Variants in CSMD3 observed in about 807,000 individuals in gnomAD.
CSMD3 encodes CUB and sushi domain-containing protein 3.
Under a neutral mutation model 435.2 loss-of-function variants are expected in CSMD3, and 177 were observed. The observed-to-expected ratio is 0.41, with a 90% confidence interval of 0.36 to 0.46. The LOEUF (loss-of-function observed/expected upper bound fraction) is 0.46, where lower values mean the gene tolerates loss of function less well. CSMD3 is among the 20% of genes least tolerant of loss of function. CSMD3 has a pLI of 0.34. For synonymous variants in CSMD3, 1,656 were observed against 1,520.5 expected (o/e 1.09, Z -2.07); for missense variants, 4,265 against 4,504.6 (o/e 0.95, Z 1.52).
At chr8:112,542,345 G>GAA (rs200297769) in intron 27 of CSMD3, among the ~76,000 whole-genome samples, 4 of 83,440 alleles carry the variant, frequency 4.8e-5, no homozygotes, top group East Asian at 3.1e-4. Context: ...CCTCCAAAAT[G>GAA]AAAAAAAAAA....
intron 1 of CSMD3, among the ~76,000 whole-genome samples, chr8:113,363,818 ATC>A (rs1310324456): frequency 1.3e-5 from 2 of 152,162 alleles, no homozygotes; most frequent in Non-Finnish European, 2.9e-5. Flanking sequence ...AGGACCTGGT[ATC>A]TCTGACTATA....
intron 5 of CSMD3, among the ~76,000 whole-genome samples, chr8:113,040,900 G>A (rs1025196443): frequency 1.3e-5 from 2 of 152,018 alleles, no homozygotes; most frequent in Admixed American, 6.6e-5. Context: ...TACTCCAGAG[G>A]CACTATAAAG....
intron 4 of CSMD3, among the ~76,000 whole-genome samples, chr8:113,115,994 G>A (rs2090814360): frequency 6.6e-6 from 1 of 152,124 alleles, no homozygotes; most frequent in Non-Finnish European, 1.5e-5. Flanking sequence ...GAATCTGAAA[G>A]TAGTCCTTCA....
At chr8:112,972,726 G>C (rs1488095693) in intron 7 of CSMD3, among the ~76,000 whole-genome samples, 1 of 151,818 alleles carries the variant, frequency 6.6e-6, no homozygotes, top group Non-Finnish European at 1.5e-5. Context: ...TTATTCATTA[G>C]TTTGACAACT....
intron 24 of CSMD3, among the ~76,000 whole-genome samples, chr8:112,570,774 G>A (rs969741881): frequency 1.3e-5 from 2 of 152,010 alleles, no homozygotes; most frequent in African/African-American, 2.4e-5. Flanking sequence ...CCCAGCTGTT[G>A]GTTCACAAAA....
chr8:112,413,954 T>C (rs776223204), intron 32 of CSMD3, among the ~76,000 whole-genome samples: 2 of 151,968 alleles, frequency 1.3e-5, no homozygotes, highest in Admixed American at 1.3e-4. Context: ...ACCTCCACCA[T>C]CCCCCAGGTG....
intron 6 of CSMD3, among the ~76,000 whole-genome samples, chr8:113,007,870 G>A (rs535499663): frequency 6.6e-6 from 1 of 151,780 alleles, no homozygotes; most frequent in African/African-American, 2.4e-5. Context: ...TATCCTTATG[G>A]GGAAAACGTA....
At chr8:113,308,715 CCTTT>C (rs1173042623) in intron 2 of CSMD3, among the ~76,000 whole-genome samples, 5 of 151,986 alleles carry the variant, frequency 3.3e-5, no homozygotes, top group Admixed American at 2.0e-4. Context: ...GCTTATACTT[CCTTT>C]GTCTTTTATT....
At chr8:113,159,556 C>T (rs2091998712) in intron 4 of CSMD3, among the ~76,000 whole-genome samples, 1 of 151,922 alleles carries the variant, frequency 6.6e-6, no homozygotes, top group Admixed American at 6.6e-5. Context: ...CTAAGTTTGT[C>T]AGGTTATTAC....
chr8:113,215,619 T>C (rs1315400915), intron 3 of CSMD3, among the ~76,000 whole-genome samples: 2 of 151,912 alleles, frequency 1.3e-5, no homozygotes, highest in Non-Finnish European at 2.9e-5. Context: ...TACTCTCAAG[T>C]AAATATGCCA....
intron 5 of CSMD3, among the ~76,000 whole-genome samples, chr8:113,062,290 A>G (rs113935096): frequency 5.9e-5 from 9 of 151,946 alleles, no homozygotes; most frequent in Non-Finnish European, 1.2e-4. Flanking sequence ...TTTGTACTAA[A>G]TACAATTGAT....
chr8:113,345,721 A>G (rs571729000), intron 1 of CSMD3, among the ~76,000 whole-genome samples: 12 of 152,236 alleles, frequency 7.9e-5, no homozygotes, highest in African/African-American at 2.6e-4. Flanking sequence ...GTAATAATTC[A>G]TTTAATCATC....
At chr8:113,364,969 C>A (rs921380723) in intron 1 of CSMD3, among the ~76,000 whole-genome samples, 4 of 151,910 alleles carry the variant, frequency 2.6e-5, no homozygotes, top group Non-Finnish European at 5.9e-5. Context: ...TATAGTACAC[C>A]AGATTGATCA....
At chr8:113,302,121 C>T (rs1401073796) in intron 2 of CSMD3, among the ~76,000 whole-genome samples, 4 of 150,284 alleles carry the variant, frequency 2.7e-5, no homozygotes, top group African/African-American at 7.3e-5. Flanking sequence ...GAGCTGTGCT[C>T]GAACCTATTT....
At chr8:112,401,951 A>G (rs1831382437) in intron 35 of CSMD3, among the ~76,000 whole-genome samples, 1 of 152,210 alleles carries the variant, frequency 6.6e-6, no homozygotes, top group South Asian at 2.1e-4. Context: ...CAATAGTATC[A>G]AACACTTGAT....
intron 22 of CSMD3, among the ~76,000 whole-genome samples, chr8:112,603,531 T>G (rs1053654744): frequency 1.1e-4 from 17 of 152,226 alleles, no homozygotes; most frequent in Non-Finnish European, 2.5e-4. Flanking sequence ...TCTTTATATT[T>G]ATTTACATTC....
chr8:112,948,513 C>T (rs1397418394), intron 8 of CSMD3, among the ~76,000 whole-genome samples: 2 of 151,938 alleles, frequency 1.3e-5, no homozygotes, highest in Admixed American at 6.6e-5. Flanking sequence ...TCAGCAGTTT[C>T]TTCAAAGCAG....
chr8:113,262,181 G>A (rs924851604), intron 3 of CSMD3, among the ~76,000 whole-genome samples: 1 of 152,134 alleles, frequency 6.6e-6, no homozygotes, highest in Middle Eastern at 3.4e-3. Flanking sequence ...TGATTGAAAT[G>A]TTTGTAACCT....
intron 13 of CSMD3, among the ~76,000 whole-genome samples, chr8:112,699,753 A>G (rs1268758859): frequency 6.6e-6 from 1 of 152,202 alleles, no homozygotes; most frequent in Non-Finnish European, 1.5e-5. Flanking sequence ...TGTGTGGCCT[A>G]TGCCTGGATA....
Sources: gnomAD v4.1 joint callset for allele counts (sites outside exome capture counted in the v4.1 genomes callset) on GRCh38, gnomAD v4.1.1 for gene constraint, MANE v1.5 for transcripts, NCBI Gene and HGNC (gene_info 2026-07-23, HGNC 2026-07-21) for gene names.